The following SGPL1 variants were observed in gnomAD, a reference collection of about 807,000 sequenced individuals.
The protein encoded by SGPL1 is SP-lyase 1.
SGPL1 carries 37 observed loss-of-function variants against 68.9 expected under a neutral mutation model. That is an observed-to-expected ratio of 0.54 (90% CI 0.41 to 0.71). SGPL1 has a LOEUF of 0.71. SGPL1 is among the 30% of genes least tolerant of loss of function. The probability of loss-of-function intolerance (pLI) is 0.00; values close to 1 mark genes in which losing one functional copy is unlikely to be tolerated. For missense variants in SGPL1, 551 were observed against 704.6 expected, an observed-to-expected ratio of 0.78 and a Z score of 2.47; for synonymous variants, 236 against 248.5, an observed-to-expected ratio of 0.95 and a Z score of 0.47.
At chr10:70,857,311 A>G (rs1845981792) in intron 5 of SGPL1, 3 of 342,496 alleles carry the variant, frequency 8.8e-6, no homozygotes, top group South Asian at 4.7e-5. Context: ...GACAAAGGCA[A>G]ATGTTCCTGC....
chr10:70,827,945 A>T (rs1845464460), intron 2 of SGPL1, among the ~76,000 whole-genome samples: 1 of 152,182 alleles, frequency 6.6e-6, no homozygotes, highest in South Asian at 2.1e-4. Flanking sequence ...TGTGAGATTC[A>T]GTCATGTTCT....
At chr10:70,833,692 A>G (rs1429962898) in intron 2 of SGPL1, among the ~76,000 whole-genome samples, 1 of 152,110 alleles carries the variant, frequency 6.6e-6, no homozygotes, top group East Asian at 1.9e-4. Flanking sequence ...GATAAGAATA[A>G]ATATACTAAC....
intron 12 of SGPL1, among the ~76,000 whole-genome samples, chr10:70,875,021 A>T (rs565039820): frequency 6.6e-6 from 1 of 152,372 alleles, no homozygotes; most frequent in African/African-American, 2.4e-5. Context: ...GGGATTACAT[A>T]TGACTTTTTA....
At chr10:70,840,107 A>C (rs1195690699) in intron 2 of SGPL1, among the ~76,000 whole-genome samples, 1 of 152,006 alleles carries the variant, frequency 6.6e-6, no homozygotes, top group East Asian at 1.9e-4. Context: ...CCAAGAACAT[A>C]AATTGTGAAA....
chr10:70,822,835 T>A (rs1478313130), intron 2 of SGPL1, among the ~76,000 whole-genome samples: 1 of 151,918 alleles, frequency 6.6e-6, no homozygotes, highest in Non-Finnish European at 1.5e-5. Context: ...CACTGAAGCT[T>A]TTATTGCCTC....
At position 70,855,485 on chromosome 10, in the gene SGPL1, G is replaced by A. The variant is rs78574901; in HGVS notation, c.409+630G>A. 5.5e-4 allele frequency among the ~76,000 whole-genome samples: 84 copies of A among 152,326 alleles called. No individual in the cohort carries two copies. The East Asian group carries it at 0.014, about 25-fold the overall frequency. ...TTGCCACTTAAAGTATGCCTTTGGC[G>A]AGTTACTTCTGTATGTCACAGTTCC... is the stretch of plus-strand genomic sequence containing the variant. On this transcript the variant is annotated intron_variant, in intron 5 of 14. Coordinates refer to ENST00000373202, the MANE Select transcript of SGPL1 (RefSeq NM_003901.4).
intron 6 of SGPL1, 25 bp downstream of exon 6, chr10:70,857,715 G>A: frequency 6.5e-7 from 1 of 1,538,904 alleles, no homozygotes; most frequent in Non-Finnish European, 8.9e-7. Context: ...CTTGAGGGAA[G>A]CCTGTGAGGT....
intron 2 of SGPL1, among the ~76,000 whole-genome samples, chr10:70,841,974 C>A (rs990392637): frequency 6.6e-6 from 1 of 151,986 alleles, no homozygotes; most frequent in Non-Finnish European, 1.5e-5. Context: ...TACCCACACC[C>A]GAAAAAATTA....
chr10:70,874,451 G>A (rs1364504269), intron 12 of SGPL1, among the ~76,000 whole-genome samples: 1 of 152,136 alleles, frequency 6.6e-6, no homozygotes, highest in Non-Finnish European at 1.5e-5. Context: ...GAGGCCGGGC[G>A]CGGTGACTCA....
Position 70,862,670 on chromosome 10 carries a change from C to G in SGPL1, c.615+3171C>G, listed in dbSNP as rs142951103. Among the ~76,000 whole-genome samples the G allele has an allele frequency of 4.9e-3, 747 of 152,148 alleles. 7 individuals are homozygous for G. The highest frequency in any genetic ancestry group is 0.017 in the African/African-American group (707 of 41,492). On this transcript the variant is annotated intron_variant, in intron 7 of 14. Transcript: ENST00000373202. ...GAGACCACGAGCCCACCGGGAGGAA[C>G]GAACAACTCCGGACGCGCTGCCTTA... is the stretch of plus-strand genomic sequence containing the variant.
intron 7 of SGPL1, among the ~76,000 whole-genome samples, chr10:70,863,289 C>CTT (rs35676112): frequency 7.9e-4 from 94 of 118,740 alleles, no homozygotes; most frequent in Admixed American, 1.4e-3. Context: ...GCTTGGCCGT[C>CTT]TTTTTTTTTT....
intron 2 of SGPL1, among the ~76,000 whole-genome samples, chr10:70,817,989 C>T (rs1243379157): frequency 2.0e-5 from 3 of 152,184 alleles, no homozygotes; most frequent in Non-Finnish European, 4.4e-5. Flanking sequence ...ACCAAAATGA[C>T]ATTTTATTTT....
chr10:70,859,359 AT>A lies in SGPL1; in HGVS notation c.487-5del. ...TAGTTTTGATTTCACATCTGCTTGC[AT>A]TTTTTTGCAGGCTTATGGAGATTTT... On this transcript the variant is annotated splice_polypyrimidine_tract_variant and intron_variant, in intron 6 of 14. Transcript: ENST00000373202. The A allele has an allele frequency of 1.5e-5, 21 of 1,429,354 alleles. No individual in the cohort carries two copies. The highest frequency in any genetic ancestry group is 8.4e-5 in the South Asian group (5 of 59,462). The allele number at this position is 1,429,354 out of a possible 1,614,324, so 88.5% of individuals were successfully genotyped here.
chr10:70,862,324 C>T (rs866115204), intron 7 of SGPL1, among the ~76,000 whole-genome samples: 1 of 152,092 alleles, frequency 6.6e-6, no homozygotes, highest in Middle Eastern at 3.2e-3. Flanking sequence ...TGTGGATACT[C>T]TGTATCTAAC....
intron 7 of SGPL1, among the ~76,000 whole-genome samples, chr10:70,865,635 A>T (rs1846172404): frequency 6.6e-6 from 1 of 152,222 alleles, no homozygotes; most frequent in African/African-American, 2.4e-5. Flanking sequence ...CCAGAAGATA[A>T]AACCAAATGG....
Position 70,816,827 on chromosome 10 carries a change from G to T in SGPL1, c.-27G>T, listed in dbSNP as rs750548547. The T allele has an allele frequency of 6.2e-7, 1 of 1,613,246 alleles. No individual in the cohort carries two copies. The highest frequency in any genetic ancestry group is 8.5e-7 in the Non-Finnish European group (1 of 1,179,192). On this transcript the variant is annotated 5_prime_UTR_variant, in exon 2 of 15. Coordinates refer to ENST00000373202, the MANE Select transcript of SGPL1 (RefSeq NM_003901.4). ...CTTTTACAGAGTCTGAAAAAGGGGAGCGCGGAGAGGAGGCTGGAAGAGGAA... is the reference window on the plus strand; with the variant it reads ...CTTTTACAGAGTCTGAAAAAGGGGATCGCGGAGAGGAGGCTGGAAGAGGAA...
Position 70,854,802 on chromosome 10 carries a change from A to G in SGPL1, c.356A>G (p.Gln119Arg), listed in dbSNP as rs767180350. The change falls in exon 5 of 15, where the codon CAG becomes CGG. Residue 119 changes from glutamine (Q) to arginine (R), a missense_variant. Physicochemically the swap from Gln to Arg is conservative, Grantham distance 43. Coordinates refer to ENST00000373202, the MANE Select transcript of SGPL1 (RefSeq NM_003901.4). ...DKEYVKALPS[Q>R]GLSSSAVLEK... ...GAGTATGTGAAAGCTTTACCCTCCC[A>G]GGGTCTGAGCTCATCTGCTGTTTTG... 5 of 1,614,016 alleles carry G rather than the reference A, an allele frequency of 3.1e-6. No individual in the cohort carries two copies. The highest frequency in any genetic ancestry group is 1.1e-5 in the South Asian group (1 of 91,052).
Position 70,881,083 on chromosome 10 carries a change from T to G in SGPL1, c.*3748T>G, listed in dbSNP as rs775679066. The G allele has an allele frequency of 6.6e-6, 1 of 152,186 alleles. No homozygotes were observed. The highest frequency in any genetic ancestry group is 2.4e-5 in the African/African-American group (1 of 41,436). The allele number at this position is 152,186 out of a possible 1,614,324, so 9.4% of individuals were successfully genotyped here. ...TAATTACCTTATTTTCTTTTATGCT[T>G]TCCTCTGTCTTGTAATCTTTTCTCT... On this transcript the variant is annotated 3_prime_UTR_variant, in exon 15 of 15. Transcript: ENST00000373202.
intron 4 of SGPL1, among the ~76,000 whole-genome samples, chr10:70,852,081 A>G (rs1845891251): frequency 6.6e-6 from 1 of 152,224 alleles, no homozygotes; most frequent in South Asian, 2.1e-4. Flanking sequence ...TAAGGAAGGC[A>G]TATGAGTCCT....
Sources: allele counts gnomAD v4.1 joint callset (sites outside exome capture counted in the v4.1 genomes callset), GRCh38; gene constraint gnomAD v4.1.1; transcripts MANE v1.5; gene names NCBI Gene and HGNC (gene_info 2026-07-23, HGNC 2026-07-21).